The following COL15A1 variants were observed in gnomAD, a reference collection of about 807,000 sequenced individuals.
The protein encoded by COL15A1 is collagen type XV alpha 1 chain, also known as collagen alpha-1(XV) chain.
A neutral mutation model predicts 165.9 loss-of-function variants in COL15A1; 111 were observed. The observed-to-expected ratio is 0.67, with a 90% CI of 0.57 to 0.78. COL15A1 has a LOEUF of 0.78. Among genes scored for constraint, COL15A1 ranks in the 30% least tolerant of loss-of-function variants. COL15A1 has a pLI of 0.00. For missense variants in COL15A1, 1,745 were observed against 1,789.7 expected, an observed-to-expected ratio of 0.98 and a Z score of 0.45; for synonymous variants, 659 against 674.8, an observed-to-expected ratio of 0.98 and a Z score of 0.36.
chr9:98,957,143 G>A (rs1837790107), intron 2 of COL15A1, among the ~76,000 whole-genome samples: 1 of 152,192 alleles, frequency 6.6e-6, no homozygotes, highest in African/African-American at 2.4e-5. Context: ...TTATCTGGTT[G>A]GGCCCAATAT....
chr9:99,005,087 G>A, intron 9 of COL15A1, 37 bp downstream of exon 9: 1 of 1,545,748 alleles, frequency 6.5e-7, no homozygotes, highest in African/African-American at 1.4e-5. Flanking sequence ...TGAGGTCATG[G>A]TGGGAGCAGC....
chr9:98,952,304 GT>G (rs1837701277), intron 2 of COL15A1, among the ~76,000 whole-genome samples: 1 of 151,976 alleles, frequency 6.6e-6, no homozygotes, highest in Non-Finnish European at 1.5e-5. Context: ...TAGGGCTGTC[GT>G]TTTCTTCAAT....
At position 99,070,630 on chromosome 9, in the gene COL15A1, A is replaced by G. The variant is rs1825969552; in HGVS notation, c.*744A>G. 2.2e-6 allele frequency: 1 copy of G among 454,048 alleles called. No individual in the cohort carries two copies. Among genetic ancestry groups the G allele is most frequent in the Non-Finnish European group, 4.4e-6 (1 of 225,966 alleles). The allele number at this position is 454,048 out of a possible 1,614,324, so 28.1% of individuals were successfully genotyped here. On this transcript the variant is annotated 3_prime_UTR_variant, in exon 42 of 42. Coordinates refer to ENST00000375001, the MANE Select transcript of COL15A1 (RefSeq NM_001855.5). ...TCCCCAACCCCCACCCCACAATTTT[A>G]TGACTTCCATTTGGCAATTGTTGAA...
intron 2 of COL15A1, among the ~76,000 whole-genome samples, chr9:98,955,554 G>A (rs1419523491): frequency 2.0e-5 from 3 of 152,200 alleles, no homozygotes; most frequent in Admixed American, 6.5e-5. Flanking sequence ...GTCTATGTGC[G>A]CCTCCAGCCA....
intron 2 of COL15A1, among the ~76,000 whole-genome samples, chr9:98,968,993 C>T (rs1838000334): frequency 6.6e-6 from 1 of 152,234 alleles, no homozygotes; most frequent in Admixed American, 6.5e-5. Flanking sequence ...CCCAGCCCCC[C>T]AGACTCCTGT....
At chr9:99,058,184 G>C (rs1476915515) in intron 35 of COL15A1, among the ~76,000 whole-genome samples, 1 of 152,234 alleles carries the variant, frequency 6.6e-6, no homozygotes, top group Non-Finnish European at 1.5e-5. Flanking sequence ...TCCACTGTCA[G>C]CTAGAAATCT....
intron 7 of COL15A1, among the ~76,000 whole-genome samples, chr9:99,002,471 C>A (rs1838678329): frequency 6.6e-6 from 1 of 152,170 alleles, no homozygotes; most frequent in African/African-American, 2.4e-5. Flanking sequence ...GGCACTCAAC[C>A]CCAAAATGAG....
chr9:99,045,013 C>T (rs77060722), intron 26 of COL15A1, among the ~76,000 whole-genome samples: 21,588 of 152,200 alleles, frequency 0.14, 1,845 homozygotes, highest in East Asian at 0.36. Flanking sequence ...CTTGGCATCT[C>T]TCCTCCAAGA....
intron 2 of COL15A1, among the ~76,000 whole-genome samples, chr9:98,967,552 G>A (rs922627969): frequency 9.2e-5 from 14 of 152,248 alleles, no homozygotes; most frequent in African/African-American, 3.4e-4. Context: ...CCATCAGTGG[G>A]ATCTAGTGAT....
At chr9:99,009,590 A>G (rs1452376811) in intron 9 of COL15A1, among the ~76,000 whole-genome samples, 1 of 152,226 alleles carries the variant, frequency 6.6e-6, no homozygotes, top group Non-Finnish European at 1.5e-5. Flanking sequence ...AATTTTGTCA[A>G]ATATAAAAAG....
chr9:98,944,460 G>C (rs1837542954), intron 2 of COL15A1, among the ~76,000 whole-genome samples: 1 of 152,208 alleles, frequency 6.6e-6, no homozygotes, highest in African/African-American at 2.4e-5. Context: ...CAGCTGGGGC[G>C]GTTGGAGCGT....
At chr9:99,022,526 C>T (rs1024527748) in intron 13 of COL15A1, among the ~76,000 whole-genome samples, 1 of 152,060 alleles carries the variant, frequency 6.6e-6, no homozygotes, top group Non-Finnish European at 1.5e-5. Flanking sequence ...CCAGTGTGTC[C>T]CCATGTCCCC....
At chr9:99,058,426 G>C (rs772284457) in intron 35 of COL15A1, among the ~76,000 whole-genome samples, 2 of 152,154 alleles carry the variant, frequency 1.3e-5, no homozygotes, top group Non-Finnish European at 2.9e-5. Flanking sequence ...AAGGAAGAAG[G>C]TGCCGAGTGT....
chr9:99,011,191 A>G lies in COL15A1; in HGVS notation c.1354-4226A>G, dbSNP rs1838842094. 2.6e-5 allele frequency among the ~76,000 whole-genome samples: 4 copies of G among 152,222 alleles called. No homozygotes were observed. In the South Asian group the frequency reaches 8.3e-4, roughly 32 times the overall value. On this transcript the variant is annotated intron_variant, in intron 9 of 41. Coordinates refer to ENST00000375001, the MANE Select transcript of COL15A1 (RefSeq NM_001855.5). ...TTAAGAGTAAAGCAATACCTTAAGAAAATTTTGTAGTTCAAACCAATTCTT... is the reference window on the plus strand; with the variant it reads ...TTAAGAGTAAAGCAATACCTTAAGAGAATTTTGTAGTTCAAACCAATTCTT...
At position 99,044,784 on chromosome 9, in the gene COL15A1, T is replaced by C; in HGVS notation, c.2679+14T>C. The stretch of plus-strand genomic sequence containing the variant: ...CCAGGACCAATGGTAAGTCAGAGCG[T>C]CTCTCAGCTGGATCTGGGCTGGGGT... On this transcript the variant is annotated intron_variant, in intron 26 of 41. Coordinates refer to ENST00000375001, the MANE Select transcript of COL15A1 (RefSeq NM_001855.5). The C allele has an allele frequency of 6.2e-7, 1 of 1,611,134 alleles. No individual in the cohort carries two copies. The highest frequency in any genetic ancestry group is 1.1e-5 in the South Asian group (1 of 90,952).
In COL15A1 at chr9:98,950,328, C is replaced by T. The variant is rs144780819; in HGVS notation, c.100+6078C>T. On this transcript the variant is annotated intron_variant, in intron 2 of 41. Transcript: ENST00000375001. ...GCAATGTATGAGGGCTTTAATTATGCACATCATCGCCAATGCTTGTTTTCA... is the reference window on the plus strand; with the variant it reads ...GCAATGTATGAGGGCTTTAATTATGTACATCATCGCCAATGCTTGTTTTCA... Among the ~76,000 whole-genome samples the T allele has an allele frequency of 2.4e-3, 373 of 152,334 alleles. 3 individuals carry two copies. Among genetic ancestry groups the T allele is most frequent in the African/African-American group, 8.6e-3 (356 of 41,588 alleles).
chr9:99,015,933 T>A, intron 10 of COL15A1, 43 bp from the exon 11 acceptor site: 2 of 1,601,410 alleles, frequency 1.2e-6, no homozygotes, highest in Admixed American at 1.7e-5. Context: ...GGCAGCCTCA[T>A]GAGCGAGGTG....
Position 99,069,863 on chromosome 9 carries a change from T to C in COL15A1, c.4144T>C (p.Phe1382Leu), listed in dbSNP as rs1205820607. The change falls in exon 42 of 42, where the codon TTC becomes CTC. Residue 1382 changes from phenylalanine (F) to leucine (L), a missense_variant. By Grantham distance (22) the Phe-to-Leu change is conservative. Coordinates refer to ENST00000375001, the MANE Select transcript of COL15A1 (RefSeq NM_001855.5). ...AATTGTCCTATGTATCGAAAACAGTTTCATGACAGACGCTAGGAAGTAATG... is the reference window on the plus strand; with the variant it reads ...AATTGTCCTATGTATCGAAAACAGTCTCATGACAGACGCTAGGAAGTAATG... ...RLIVLCIENS[F>L]MTDARK 1 of 1,612,638 alleles carries C rather than the reference T, an allele frequency of 6.2e-7. No homozygotes were observed. The highest frequency in any genetic ancestry group is 1.7e-5 in the Admixed American group (1 of 59,980).
At chr9:98,988,788 T>C (rs1838362176) in intron 4 of COL15A1, among the ~76,000 whole-genome samples, 1 of 151,924 alleles carries the variant, frequency 6.6e-6, no homozygotes, top group South Asian at 2.1e-4. Context: ...CCCGGCGTGG[T>C]GGCGTGTGCT....
Sources: gnomAD v4.1 joint callset for allele counts (sites outside exome capture counted in the v4.1 genomes callset) on GRCh38, gnomAD v4.1.1 for gene constraint, MANE v1.5 for transcripts, NCBI Gene and HGNC (gene_info 2026-07-23, HGNC 2026-07-21) for gene names.